URGCP: variants seen among roughly 807,000 people sequenced by gnomAD.
The protein encoded by URGCP is upregulator of cell proliferation.
A neutral mutation model predicts 24.6 loss-of-function variants in URGCP; 13 were observed. The observed-to-expected ratio is 0.53, with a 90% CI of 0.34 to 0.84. URGCP has a LOEUF of 0.84. Among genes scored for constraint, URGCP ranks in the 40% least tolerant of loss-of-function variants. The pLI is 0.01. For synonymous variants in URGCP, 444 were observed against 487.2 expected (o/e 0.91, Z 1.17); for missense variants, 899 against 1,194.3 (o/e 0.75, Z 3.64).
intron 1 of URGCP, among the ~76,000 whole-genome samples, chr7:43,920,579 G>C (rs2095921183): frequency 6.6e-6 from 1 of 152,094 alleles, no homozygotes. Context: ...AACAAAAAAA[G>C]TGGATATTTT....
At chr7:43,894,561 A>G (rs1169131590) in intron 1 of URGCP, among the ~76,000 whole-genome samples, 1 of 151,764 alleles carries the variant, frequency 6.6e-6, no homozygotes, top group Admixed American at 6.6e-5. Flanking sequence ...GGGTTTTGCT[A>G]TGTTGCCCGG....
At chr7:43,887,543 T>C in intron 2 of URGCP, 58 bp from the exon 3 acceptor site, 1 of 1,589,028 alleles carries the variant, frequency 6.3e-7, no homozygotes, top group Non-Finnish European at 8.6e-7. Flanking sequence ...CTTTCACCTA[T>C]CAAACTGGCC....
At chr7:43,919,827 A>C in intron 1 of URGCP, 1 of 1,270,068 alleles carries the variant, frequency 7.9e-7, no homozygotes, top group Non-Finnish European at 1.2e-6. Context: ...CAGTGGGCGC[A>C]TGATGGCCAA....
At chr7:43,882,946 T>A (rs1013379127) in intron 3 of URGCP, among the ~76,000 whole-genome samples, 11 of 152,152 alleles carry the variant, frequency 7.2e-5, no homozygotes, top group South Asian at 2.1e-4. Flanking sequence ...TATTCCAGCA[T>A]AAGGAATTTT....
At chr7:43,898,672 G>C (rs1050456486) in intron 1 of URGCP, among the ~76,000 whole-genome samples, 5 of 152,054 alleles carry the variant, frequency 3.3e-5, no homozygotes, top group African/African-American at 1.2e-4. Context: ...GGCTGAGGTG[G>C]ATCGCTTGAG....
At chr7:43,898,012 T>C (rs2095881857) in intron 1 of URGCP, among the ~76,000 whole-genome samples, 1 of 152,158 alleles carries the variant, frequency 6.6e-6, no homozygotes, top group Admixed American at 6.5e-5. Flanking sequence ...CCGAGACCCC[T>C]ACCCTTGGAT....
At position 43,878,656 on chromosome 7, in the gene URGCP, G is replaced by T. The variant is rs756794813; in HGVS notation, c.807C>A (p.Asp269Glu). The change falls in exon 6 of 6, where the codon GAC (aspartate) becomes GAA (glutamate). Residue 269 changes from aspartate (D) to glutamate (E), a missense_variant. By Grantham distance (45) the Asp-to-Glu change is conservative. Coordinates refer to ENST00000453200, the MANE Select transcript of URGCP (RefSeq NM_001077663.3). This position sits in a 1 kb window ranked among gnomAD's most constrained non-coding sequence, Gnocchi z 5.6. ...RAPAFAFVRMDVSSNSKSQLL... is the reference protein window; with the variant it reads ...RAPAFAFVRMEVSSNSKSQLL... The stretch of plus-strand genomic sequence containing the variant: ...GCTGGGACTTGGAGTTGCTACTGAC[G>T]TCCATGCGCACGAAGGCGAAGGCGG... The T allele has an allele frequency of 6.2e-7, 1 of 1,613,360 alleles. No homozygotes were observed. The highest frequency in any genetic ancestry group is 8.5e-7 in the Non-Finnish European group (1 of 1,180,044).
chr7:43,910,572 AG>A (rs1437956608), upstream of URGCP, among the ~76,000 whole-genome samples: 1 of 151,802 alleles, frequency 6.6e-6, no homozygotes, highest in African/African-American at 2.4e-5. Flanking sequence ...TTTTTCAAAA[AG>A]TCCTGACATG....
chr7:43,879,380 G>A (rs1346994838), intron 5 of URGCP, 120 bp from the exon 6 acceptor site: 4 of 1,209,246 alleles, frequency 3.3e-6, no homozygotes, highest in Admixed American at 2.6e-5. Context: ...TCAGAGAGCA[G>A]AGTGCAGGCA....
At chr7:43,880,252 A>C (rs2095851791) in intron 5 of URGCP, among the ~76,000 whole-genome samples, 1 of 152,200 alleles carries the variant, frequency 6.6e-6, no homozygotes, top group Non-Finnish European at 1.5e-5. Flanking sequence ...TAAATGTATT[A>C]AAATATTCAG....
At chr7:43,901,603 GA>G (rs2095890785) in intron 1 of URGCP, among the ~76,000 whole-genome samples, 1 of 152,234 alleles carries the variant, frequency 6.6e-6, no homozygotes, top group African/African-American at 2.4e-5. Flanking sequence ...CTTCTCCCAA[GA>G]GCAAAGATAC....
intron 1 of URGCP, chr7:43,919,876 G>A (rs539924377): frequency 4.3e-5 from 56 of 1,294,826 alleles, no homozygotes; most frequent in African/African-American, 5.8e-5. Flanking sequence ...AGAACCTGTC[G>A]CCAATATGAC....
At chr7:43,926,460 G>A (rs1585846949), upstream of URGCP, 3 of 1,350,416 alleles carry the variant, frequency 2.2e-6, no homozygotes, top group East Asian at 6.4e-5. Flanking sequence ...GCAGCTTGGT[G>A]GCGGCTGAGC....
chr7:43,887,835 T>C lies in URGCP; in HGVS notation c.15-19A>G, dbSNP rs2095864347. ...TTCTATCCTAAGGAAATAATTAAGATTTAGTTACAAAGATGTTGATGCCAG... is the reference window on the plus strand; with the variant it reads ...TTCTATCCTAAGGAAATAATTAAGACTTAGTTACAAAGATGTTGATGCCAG... On this transcript the variant is annotated intron_variant, in intron 1 of 5. Transcript: ENST00000453200. 1 of 1,488,538 alleles carries C rather than the reference T, an allele frequency of 6.7e-7. No homozygotes were observed. The highest frequency in any genetic ancestry group is 9.1e-7 in the Non-Finnish European group (1 of 1,093,400). The allele number at this position is 1,488,538 out of a possible 1,614,324, so 92.2% of individuals were successfully genotyped here. A position where few individuals can be genotyped will look rare whatever the true frequency, so the allele number is the denominator to read the frequency against.
intron 1 of URGCP, among the ~76,000 whole-genome samples, chr7:43,891,633 T>G (rs2095870813): frequency 1.3e-5 from 2 of 152,274 alleles, no homozygotes; most frequent in Non-Finnish European, 2.9e-5. Context: ...TCCTATAAAA[T>G]CCACAGCAAG....
chr7:43,882,168 G>GCCACCATGCC, intron 3 of URGCP: 1 of 630,928 alleles, frequency 1.6e-6, no homozygotes, highest in Non-Finnish European at 2.4e-6. Context: ...GCCAGGCATG[G>GCCACCATGCC]TGGCTCATGC....
intron 3 of URGCP, among the ~76,000 whole-genome samples, chr7:43,886,739 G>C (rs772268388): frequency 2.0e-5 from 3 of 152,052 alleles, no homozygotes; most frequent in Admixed American, 6.5e-5. Flanking sequence ...GGCAATAAAG[G>C]CGAAACTTGG....
upstream of URGCP, among the ~76,000 whole-genome samples, chr7:43,910,538 TATTAAAA>T (rs1357665996): frequency 2.6e-5 from 4 of 151,912 alleles, no homozygotes; most frequent in African/African-American, 9.7e-5. Flanking sequence ...CCCATCTTTT[TATTAAAA>T]ATTTACACTA....
At chr7:43,903,783 G>A (rs929140354) in intron 1 of URGCP, among the ~76,000 whole-genome samples, 2 of 152,164 alleles carry the variant, frequency 1.3e-5, no homozygotes, top group African/African-American at 4.8e-5. Flanking sequence ...GAATCATGGA[G>A]CCTAAGTTAA....
Sources: gnomAD v4.1 joint callset for allele counts (sites outside exome capture counted in the v4.1 genomes callset) on GRCh38, gnomAD v4.1.1 for gene constraint, Gnocchi (gnomAD v3.1) non-coding constraint, MANE v1.5 for transcripts, NCBI Gene and HGNC (gene_info 2026-07-23, HGNC 2026-07-21) for gene names.